The following CNTN5 variants were observed in gnomAD, a reference collection of about 807,000 sequenced individuals.
The protein encoded by CNTN5 is contactin 5, also known as contactin-5.
In CNTN5, 77 loss-of-function variants were observed where a neutral mutation model predicts 129.1. The observed-to-expected ratio is 0.60, with a 90% CI of 0.50 to 0.72. The LOEUF is 0.72. Ranked by LOEUF, CNTN5 falls within the 30% of genes least tolerant of loss-of-function variation. The pLI, the probability that CNTN5 is intolerant of heterozygous loss-of-function variation, is 0.00. For synonymous variants in CNTN5, 509 were observed against 465.6 expected (o/e 1.09, Z -1.20); for missense variants, 1,478 against 1,328.8 (o/e 1.11, Z -1.75).
chr11:99,286,757 A>C (rs1319541772), intron 1 of CNTN5, among the ~76,000 whole-genome samples: 2 of 151,116 alleles, frequency 1.3e-5, no homozygotes, highest in African/African-American at 4.9e-5. Flanking sequence ...AGATTCAAGC[A>C]AACAAAATAA....
At chr11:99,415,135 T>A (rs1434196880) in intron 2 of CNTN5, among the ~76,000 whole-genome samples, 2 of 152,148 alleles carry the variant, frequency 1.3e-5, no homozygotes, top group Non-Finnish European at 2.9e-5. Flanking sequence ...AGGGTCGTGG[T>A]GAGCATTCCT....
At chr11:99,599,678 T>C (rs539650007) in intron 3 of CNTN5, among the ~76,000 whole-genome samples, 1 of 152,178 alleles carries the variant, frequency 6.6e-6, no homozygotes, top group Non-Finnish European at 1.5e-5. Flanking sequence ...CCAAATTCTT[T>C]GTGCAAATGT....
chr11:99,901,913 A>T (rs576786145), intron 6 of CNTN5, among the ~76,000 whole-genome samples: 1 of 152,276 alleles, frequency 6.6e-6, no homozygotes, highest in African/African-American at 2.4e-5. Flanking sequence ...ATAAAATGCA[A>T]GCGTTATCCC....
intron 7 of CNTN5, 94 bp downstream of exon 7, chr11:99,916,243 G>A (rs752779526): frequency 8.8e-6 from 8 of 908,832 alleles, no homozygotes; most frequent in Non-Finnish European, 1.2e-5. Context: ...AACATTTCAG[G>A]TGAAATGTGC....
intron 3 of CNTN5, among the ~76,000 whole-genome samples, chr11:99,804,410 A>G (rs1186257970): frequency 6.6e-6 from 1 of 152,006 alleles, no homozygotes; most frequent in African/African-American, 2.4e-5. Context: ...TTAGATTTTT[A>G]AACCATTTTA....
intron 3 of CNTN5, among the ~76,000 whole-genome samples, chr11:99,787,559 T>G (rs1945578883): frequency 6.6e-6 from 1 of 150,972 alleles, no homozygotes; most frequent in Non-Finnish European, 1.5e-5. Context: ...CATCCTATAG[T>G]GGCACGAAGC....
At chr11:99,168,001 T>A (rs1037365182) in intron 1 of CNTN5, among the ~76,000 whole-genome samples, 1 of 151,908 alleles carries the variant, frequency 6.6e-6, no homozygotes, top group African/African-American at 2.4e-5. Context: ...AGTGATGTGA[T>A]CTGGGTTCAC....
intron 3 of CNTN5, among the ~76,000 whole-genome samples, chr11:99,738,616 C>CGTGTGTGTGTTTGTGT (rs1555093399): frequency 7.0e-6 from 1 of 143,210 alleles, no homozygotes; most frequent in Non-Finnish European, 1.5e-5. Flanking sequence ...AAGACAGTAA[C>CGTGTGTGTGTTTGTGT]GTGTGTGTGT....
chr11:100,159,693 C>A (rs990573469), intron 13 of CNTN5, among the ~76,000 whole-genome samples: 1 of 151,856 alleles, frequency 6.6e-6, no homozygotes, highest in African/African-American at 2.4e-5. Flanking sequence ...ATGTGGGTGA[C>A]AAAGGTCGTT....
At chr11:99,049,110 C>T (rs1372381760) in intron 1 of CNTN5, among the ~76,000 whole-genome samples, 1 of 152,124 alleles carries the variant, frequency 6.6e-6, no homozygotes, top group East Asian at 1.9e-4. Flanking sequence ...AATATTAATA[C>T]TGGAGCCAAA....
intron 3 of CNTN5, among the ~76,000 whole-genome samples, chr11:99,634,729 C>A (rs992993013): frequency 1.4e-4 from 21 of 152,172 alleles, no homozygotes; most frequent in African/African-American, 4.8e-4. Flanking sequence ...AGGAACTCTG[C>A]CCAGTCTCTT....
At chr11:99,579,134 T>C (rs369149816) in intron 3 of CNTN5, among the ~76,000 whole-genome samples, 2 of 152,168 alleles carry the variant, frequency 1.3e-5, no homozygotes, top group African/African-American at 4.8e-5. Context: ...AAAGATCAGA[T>C]AGTTGTAGAT....
At chr11:99,776,793 A>G (rs1397870334) in intron 3 of CNTN5, among the ~76,000 whole-genome samples, 1 of 151,838 alleles carries the variant, frequency 6.6e-6, no homozygotes, top group African/African-American at 2.4e-5. Context: ...TGACAATTAA[A>G]AAAAAAACTA....
chr11:99,993,605 A>T (rs367695906), intron 8 of CNTN5, among the ~76,000 whole-genome samples: 1 of 152,234 alleles, frequency 6.6e-6, no homozygotes, highest in African/African-American at 2.4e-5. Context: ...AACTCCTGTG[A>T]GAATCTAATG....
At chr11:99,779,369 T>G (rs1380977708) in intron 3 of CNTN5, among the ~76,000 whole-genome samples, 2 of 152,030 alleles carry the variant, frequency 1.3e-5, no homozygotes, top group Non-Finnish European at 2.9e-5. Context: ...AGTTATAAAA[T>G]TTGACTCTCT....
At chr11:99,580,958 T>A (rs976706316) in intron 3 of CNTN5, among the ~76,000 whole-genome samples, 3 of 147,476 alleles carry the variant, frequency 2.0e-5, no homozygotes, top group African/African-American at 7.5e-5. Flanking sequence ...TGCTTTCTCT[T>A]GTGGGCATTT....
chr11:100,161,687 G>T (rs543388156), intron 13 of CNTN5, among the ~76,000 whole-genome samples: 8 of 151,646 alleles, frequency 5.3e-5, no homozygotes, highest in African/African-American at 1.7e-4. Flanking sequence ...TATCAAAAAA[G>T]CAATGATGTA....
intron 6 of CNTN5, among the ~76,000 whole-genome samples, chr11:99,907,462 G>T (rs987054326): frequency 1.3e-5 from 2 of 151,850 alleles, no homozygotes; most frequent in African/African-American, 4.8e-5. Context: ...AAACTATGTT[G>T]TCCAGTTGCC....
intron 3 of CNTN5, among the ~76,000 whole-genome samples, chr11:99,677,181 A>C (rs1214392254): frequency 6.6e-6 from 1 of 152,194 alleles, no homozygotes; most frequent in African/African-American, 2.4e-5. Context: ...TGCTTATTGA[A>C]TTCCAAAATG....
Sources: gnomAD v4.1 joint callset for allele counts (sites outside exome capture counted in the v4.1 genomes callset) on GRCh38, gnomAD v4.1.1 for gene constraint, MANE v1.5 for transcripts, NCBI Gene and HGNC (gene_info 2026-07-23, HGNC 2026-07-21) for gene names.